GIT2: variants seen among roughly 807,000 people sequenced by gnomAD.
The protein encoded by GIT2 is ARF GTPase-activating protein GIT2.
Under a neutral mutation model 100.3 loss-of-function variants are expected in GIT2, and 32 were observed. That is an observed-to-expected ratio of 0.32 (90% CI 0.24 to 0.43). The LOEUF (loss-of-function observed/expected upper bound fraction) is 0.43, where lower values mean the gene tolerates loss of function less well. Ranked by LOEUF, GIT2 falls within the 20% of genes least tolerant of loss-of-function variation. The pLI, the probability that GIT2 is intolerant of heterozygous loss-of-function variation, is 1.00. For missense variants in GIT2, 737 were observed against 975.1 expected (o/e 0.76, Z 3.25); for synonymous variants, 353 against 364.1 (o/e 0.97, Z 0.35).
At chr12:109,974,784 G>C (rs1884685779) in intron 7 of GIT2, among the ~76,000 whole-genome samples, 1 of 152,050 alleles carries the variant, frequency 6.6e-6, no homozygotes, top group South Asian at 2.1e-4. Context: ...AGATCTAGTT[G>C]GGTTTTGGTC....
chr12:109,936,823 C>G (rs1055386919), intron 18 of GIT2, among the ~76,000 whole-genome samples: 1 of 150,650 alleles, frequency 6.6e-6, no homozygotes, highest in East Asian at 2.0e-4. Flanking sequence ...TGAGCAAGAT[C>G]GTGCCACTGC....
chr12:109,939,369 G>T, intron 16 of GIT2, 122 bp from the exon 17 acceptor site: 1 of 656,230 alleles, frequency 1.5e-6, no homozygotes, highest in Non-Finnish European at 2.8e-6. Flanking sequence ...TTTGGGACAG[G>T]GGACAACTCT....
At chr12:109,951,371 C>G in intron 13 of GIT2, 55 bp from the exon 14 acceptor site, 1 of 1,410,914 alleles carries the variant, frequency 7.1e-7, no homozygotes. Flanking sequence ...ACATTAAAGA[C>G]TAACAGCTCA....
rs1220383675 is a variant in GIT2 at position 109,933,896 on chromosome 12, C to T, written c.2067+126G>A. ...GGTTACAGGCGTGAGCCACCACACC[C>T]GGCCTCGACTGCATATTTTAAAACT... On this transcript the variant is annotated intron_variant, in intron 19 of 19. Coordinates refer to ENST00000355312, the MANE Select transcript of GIT2 (RefSeq NM_057169.5). This position sits in a 1 kb window ranked among gnomAD's most constrained non-coding sequence, Gnocchi z 4.5. 3.1e-5 allele frequency: 21 copies of T among 681,254 alleles called. No individual in the cohort carries two copies. Among genetic ancestry groups the T allele is most frequent in the South Asian group, 4.8e-5 (3 of 62,146 alleles). The allele number at this position is 681,254 out of a possible 1,614,324, so 42.2% of individuals were successfully genotyped here.
At chr12:109,982,233 A>C (rs1234184530) in intron 6 of GIT2, 1 of 152,296 alleles carries the variant, frequency 6.6e-6, no homozygotes, top group Admixed American at 6.6e-5. Flanking sequence ...GGAATGCTTC[A>C]GCTCTCCCTT....
At chr12:109,950,260 G>A (rs1039911468) in intron 14 of GIT2, among the ~76,000 whole-genome samples, 28 of 152,222 alleles carry the variant, frequency 1.8e-4, no homozygotes, top group African/African-American at 5.3e-4. Flanking sequence ...CACATGGAGT[G>A]TGCCACGTCC....
At chr12:109,978,342 C>G (rs962442797) in intron 7 of GIT2, among the ~76,000 whole-genome samples, 7 of 152,096 alleles carry the variant, frequency 4.6e-5, no homozygotes, top group Admixed American at 2.0e-4. Flanking sequence ...CTCAGCCTCC[C>G]AAAGTGCTGG....
chr12:109,984,736 C>T (rs1024038034), intron 4 of GIT2, among the ~76,000 whole-genome samples: 5 of 152,074 alleles, frequency 3.3e-5, no homozygotes, highest in Non-Finnish European at 5.9e-5. Context: ...CATGAGCTAC[C>T]GTGCCTGGCC....
chr12:109,940,887 A>G (rs1259323675), intron 16 of GIT2, among the ~76,000 whole-genome samples: 2 of 150,532 alleles, frequency 1.3e-5, no homozygotes, highest in Admixed American at 1.3e-4. Context: ...TCAAAAAACA[A>G]AACAAAACAA....
chr12:109,965,928 G>A (rs977838127), intron 8 of GIT2, among the ~76,000 whole-genome samples: 4 of 151,240 alleles, frequency 2.6e-5, no homozygotes, highest in African/African-American at 4.9e-5. Flanking sequence ...TGTCGGGCTC[G>A]ATGGCTCCCG....
In GIT2 at chr12:109,988,996, A is replaced by T. The variant is rs74383362; in HGVS notation, c.372T>A (p.Asp124Glu). 748 of 1,611,768 alleles carry T rather than the reference A, an allele frequency of 4.6e-4. 4 individuals are homozygous for T. The African/African-American group carries it at 8.8e-3, about 19-fold the overall frequency. Residue 124 changes from aspartate (D) to glutamate (E), a missense_variant, in exon 4 of 20, where the codon GAT becomes GAA. Asp to Glu is a conservative substitution (Grantham distance 45). Transcript: ENST00000355312. ...GATCTTTGGCAGTCACACTATCGTCATCCCGGCAGGGCAAGCGATGGACGA... is the reference window on the plus strand; with the variant it reads ...GATCTTTGGCAGTCACACTATCGTCTTCCCGGCAGGGCAAGCGATGGACGA... Reference protein sequence around the residue: ...LAFVHRLPCRDDDSVTAKDLS... With the variant: ...LAFVHRLPCREDDSVTAKDLS...
At chr12:109,967,689 T>C (rs928075465) in intron 7 of GIT2, among the ~76,000 whole-genome samples, 186 bp from the exon 8 acceptor site, 3 of 152,232 alleles carry the variant, frequency 2.0e-5, no homozygotes, top group African/African-American at 7.2e-5. Flanking sequence ...AGCCTTGTTT[T>C]TTTCTGGTAC....
rs985088965 is a variant in GIT2 at position 109,933,871 on chromosome 12, G to A, written c.2067+151C>T. 7.9e-6 allele frequency: 5 copies of A among 635,316 alleles called. No individual in the cohort carries two copies. The highest frequency in any genetic ancestry group is 1.5e-5 in the Non-Finnish European group (5 of 341,048). The allele number at this position is 635,316 out of a possible 1,614,324, so 39.4% of individuals were successfully genotyped here. ...CTGTCTCGGCCTCCCAAAGTGCTGGGGTTACAGGCGTGAGCCACCACACCC... is the reference window on the plus strand; with the variant it reads ...CTGTCTCGGCCTCCCAAAGTGCTGGAGTTACAGGCGTGAGCCACCACACCC... On this transcript the variant is annotated intron_variant, in intron 19 of 19. Transcript: ENST00000355312. The surrounding 1 kb of genome is among the most constrained non-coding windows in gnomAD (Gnocchi z 4.5).
chr12:109,965,774 C>A (rs535700249), intron 8 of GIT2, 197 bp from the exon 9 acceptor site: 1 of 729,398 alleles, frequency 1.4e-6, no homozygotes, highest in Non-Finnish European at 2.5e-6. Flanking sequence ...TTCTGAAATA[C>A]CACAATCATG....
At chr12:109,971,925 C>T (rs1011386047) in intron 7 of GIT2, among the ~76,000 whole-genome samples, 3 of 149,448 alleles carry the variant, frequency 2.0e-5, no homozygotes, top group East Asian at 2.0e-4. Flanking sequence ...ACCCGGGAGG[C>T]GGAGGTTGCA....
At chr12:109,945,375 C>CG (rs1565943712) in intron 15 of GIT2, 26 bp from the exon 16 acceptor site, 1 of 1,172,422 alleles carries the variant, frequency 8.5e-7, no homozygotes, top group Non-Finnish European at 1.3e-6. Flanking sequence ...GAAACACACT[C>CG]GGGAAAATAC....
chr12:109,993,439 T>C (rs1355358622), intron 1 of GIT2, among the ~76,000 whole-genome samples: 1 of 152,206 alleles, frequency 6.6e-6, no homozygotes, highest in African/African-American at 2.4e-5. Context: ...CAAAGACGAA[T>C]CCTGGGAGCC....
rs756110941 is a variant in GIT2, at chr12:109,953,116, A to G, written c.1218T>C (p.Thr406=). ...CCTTCTGCCGGTTTGTTTTGCTTGCAGTGGTTTCCAAATCTGTGTCTTCGT... is the reference window on the plus strand; with the variant it reads ...CCTTCTGCCGGTTTGTTTTGCTTGCGGTGGTTTCCAAATCTGTGTCTTCGT... ...ASDEDTDLET[T]ASKTNRQKSL... The change falls in exon 13 of 20, where the codon ACT becomes ACC. Residue 406 remains threonine (T), a synonymous_variant. Transcript: ENST00000355312. The G allele has an allele frequency of 3.7e-6, 6 of 1,614,144 alleles. No individual in the cohort carries two copies. Among genetic ancestry groups the G allele is most frequent in the Middle Eastern group, 1.7e-4 (1 of 6,054 alleles).
rs146270517 is a variant in GIT2 at position 109,985,032 on chromosome 12, G to A, written c.406-1338C>T. 2.3e-3 allele frequency among the ~76,000 whole-genome samples: 355 copies of A among 152,326 alleles called. 1 individual carries two copies. The highest frequency in any genetic ancestry group is 8.4e-3 in the African/African-American group (348 of 41,576). ...AAAAGCTCTTATACAGTCAGAAGAT[G>A]AGCTGCCTTCCTTCAAATCTAACCT... On this transcript the variant is annotated intron_variant, in intron 4 of 19. Transcript: ENST00000355312.
Sources: allele counts gnomAD v4.1 joint callset (sites outside exome capture counted in the v4.1 genomes callset), GRCh38; gene constraint gnomAD v4.1.1; non-coding constraint Gnocchi (gnomAD v3.1); transcripts MANE v1.5; gene names NCBI Gene and HGNC (gene_info 2026-07-23, HGNC 2026-07-21).